Variants in LRRFIP1 observed in about 807,000 individuals in gnomAD.
LRRFIP1 encodes the protein LRR binding FLII interacting protein 1.
A neutral mutation model predicts 104.4 loss-of-function variants in LRRFIP1; 62 were observed. That is an observed-to-expected ratio of 0.59 (90% CI 0.48 to 0.73). The LOEUF is 0.73. Ranked by LOEUF, LRRFIP1 falls within the 30% of genes least tolerant of loss-of-function variation. LRRFIP1 has a pLI of 0.00. For synonymous variants in LRRFIP1, 300 were observed against 299.0 expected (o/e 1.00, Z -0.03); for missense variants, 796 against 824.5 (o/e 0.97, Z 0.42).
rs781090755 is a variant in LRRFIP1 at position 237,627,756 on chromosome 2, G to A, written c.96+16G>A. On this transcript the variant is annotated intron_variant, in intron 1 of 23. Transcript: ENST00000308482. ...CGCGCGGGAGGTGAGCGCTCCGGGA[G>A]GGCAGCCGGGGGGCGCCGGGCGGGC... 1 of 1,226,626 alleles carries A rather than the reference G, an allele frequency of 8.2e-7. No homozygotes were observed. Among genetic ancestry groups the A allele is most frequent in the African/African-American group, 1.6e-5 (1 of 62,730 alleles). The allele number at this position is 1,226,626 out of a possible 1,614,324, so 76.0% of individuals were successfully genotyped here.
rs191365075 is a variant in LRRFIP1, at chr2:237,643,420, G to A, written c.96+15680G>A. ...GTTCTGCCTTCGGTAGACGGATGCC[G>A]TTGGTGTATCTGGCTATACAGATGG... is the stretch of plus-strand genomic sequence containing the variant. On this transcript the variant is annotated intron_variant, in intron 1 of 23. Transcript: ENST00000308482. Among the ~76,000 whole-genome samples the A allele has an allele frequency of 3.3e-4, 50 of 152,378 alleles. No individual in the cohort carries two copies. In the East Asian group the frequency reaches 8.5e-3, roughly 26 times the overall value.
chr2:237,721,265 A>G (rs1575814036), intron 6 of LRRFIP1: 2 of 163,792 alleles, frequency 1.2e-5, no homozygotes, highest in South Asian at 3.2e-4. Flanking sequence ...TGGCATAGCC[A>G]CTATAGACTG....
rs2095215671 is a variant in LRRFIP1, at chr2:237,735,539, A to G, written c.555+206A>G. On this transcript the variant is annotated intron_variant, in intron 10 of 23. Transcript: ENST00000308482. The surrounding 1 kb of genome is among the most constrained non-coding windows in gnomAD (Gnocchi z 4.6). Reference sequence around the variant, plus strand: ...CTCTGGTTGTTGGTTTCATGTCCTCACTCATCAGGGAGAGTAACTTGCACT... The same window carrying G: ...CTCTGGTTGTTGGTTTCATGTCCTCGCTCATCAGGGAGAGTAACTTGCACT... 1.8e-6 allele frequency: 1 copy of G among 547,774 alleles called. No homozygotes were observed. The highest frequency in any genetic ancestry group is 1.9e-5 in the African/African-American group (1 of 52,250). The allele number at this position is 547,774 out of a possible 1,614,324, so 33.9% of individuals were successfully genotyped here.
chr2:237,692,585 C>T, intron 1 of LRRFIP1: 6 of 1,445,354 alleles, frequency 4.2e-6, no homozygotes, highest in South Asian at 1.4e-5. Flanking sequence ...GGGCTTCCAG[C>T]TCGTTCCGAG....
At chr2:237,758,047 TA>T (rs1033446372) in intron 17 of LRRFIP1, among the ~76,000 whole-genome samples, 2 of 152,104 alleles carry the variant, frequency 1.3e-5, no homozygotes, top group African/African-American at 4.8e-5. Context: ...AATTGAAGGA[TA>T]GGGGGAACAG....
In LRRFIP1 at chr2:237,766,187, G is replaced by A. The variant is rs1033645620; in HGVS notation, c.1460-3756G>A. Among the ~76,000 whole-genome samples, 2 of 152,166 alleles carry A rather than the reference G, an allele frequency of 1.3e-5. No individual in the cohort carries two copies. Among genetic ancestry groups the A allele is most frequent in the African/African-American group, 4.8e-5 (2 of 41,424 alleles). On this transcript the variant is annotated intron_variant, in intron 19 of 23. Transcript: ENST00000308482. This position sits in a 1 kb window ranked among gnomAD's most constrained non-coding sequence, Gnocchi z 4.8. ...CTGATGTGCAGCCTCAGCTGAAAAC[G>A]GTCTTCACCTGTGGCTGTGCTTACC... is the stretch of plus-strand genomic sequence containing the variant.
intron 1 of LRRFIP1, among the ~76,000 whole-genome samples, chr2:237,653,045 T>A (rs899589857): frequency 6.6e-6 from 1 of 152,206 alleles, no homozygotes; most frequent in Non-Finnish European, 1.5e-5. Flanking sequence ...CCTGCCGCCA[T>A]GTGAAAGTGC....
intron 1 of LRRFIP1, among the ~76,000 whole-genome samples, chr2:237,643,119 A>G (rs1185437922): frequency 6.6e-6 from 1 of 152,266 alleles, no homozygotes; most frequent in East Asian, 1.9e-4. Flanking sequence ...ATAAATTCTT[A>G]AACACTCAGA....
chr2:237,769,942 G>T lies in LRRFIP1; in HGVS notation c.1460-1G>T. The T allele has an allele frequency of 6.3e-7, 1 of 1,599,762 alleles. No homozygotes were observed. The highest frequency in any genetic ancestry group is 8.5e-7 in the Non-Finnish European group (1 of 1,171,978). ...AACCTGTGTCTTTGTGATTTCTTTA[G>T]ATATTAGGTTGAAAAAGCTGGTTGA... On this transcript the variant is annotated splice_acceptor_variant, in intron 19 of 23. Coordinates refer to ENST00000308482, the MANE Select transcript of LRRFIP1 (RefSeq NM_001137550.2). LOFTEE classifies it high-confidence loss of function.
At chr2:237,628,349 G>A (rs956052190) in intron 1 of LRRFIP1, among the ~76,000 whole-genome samples, 1 of 152,200 alleles carries the variant, frequency 6.6e-6, no homozygotes, top group Non-Finnish European at 1.5e-5. Context: ...CCTGGACAGA[G>A]TTTATTGTAA....
intron 1 of LRRFIP1, among the ~76,000 whole-genome samples, chr2:237,700,028 A>C (rs3769106): frequency 6.6e-6 from 1 of 151,934 alleles, no homozygotes; most frequent in Non-Finnish European, 1.5e-5. Context: ...GGTACACGGA[A>C]CCGAGGTGAG....
chr2:237,731,517 C>G (rs1293457604), intron 8 of LRRFIP1, among the ~76,000 whole-genome samples: 1 of 151,242 alleles, frequency 6.6e-6, no homozygotes, highest in East Asian at 1.9e-4. Context: ...TGAATTTTGA[C>G]TCAGTATATG....
At chr2:237,698,128 G>A (rs1378239522) in intron 1 of LRRFIP1, among the ~76,000 whole-genome samples, 1 of 152,186 alleles carries the variant, frequency 6.6e-6, no homozygotes, top group Non-Finnish European at 1.5e-5. Flanking sequence ...AGGATGCGAA[G>A]GACTTTAAAG....
intron 23 of LRRFIP1, among the ~76,000 whole-genome samples, chr2:237,776,746 A>G (rs2061129664): frequency 6.6e-6 from 1 of 151,962 alleles, no homozygotes; most frequent in Non-Finnish European, 1.5e-5. Flanking sequence ...TCCACTTCTG[A>G]TTTTTGCATC....
chr2:237,663,205 A>T (rs2088401788), intron 1 of LRRFIP1, among the ~76,000 whole-genome samples: 1 of 152,244 alleles, frequency 6.6e-6, no homozygotes, highest in Non-Finnish European at 1.5e-5. Flanking sequence ...CTAAACTATT[A>T]GAATTTTTAG....
At chr2:237,747,871 A>G (rs910262421) in intron 11 of LRRFIP1, among the ~76,000 whole-genome samples, 4 of 152,202 alleles carry the variant, frequency 2.6e-5, no homozygotes, top group Non-Finnish European at 5.9e-5. Flanking sequence ...CACTCCAGGT[A>G]GTTAATCTTT....
chr2:237,722,294 C>G (rs997815340), intron 6 of LRRFIP1, among the ~76,000 whole-genome samples: 1 of 152,162 alleles, frequency 6.6e-6, no homozygotes, highest in Non-Finnish European at 1.5e-5. Flanking sequence ...TTCAGAGCCA[C>G]ACCCTCCTGA....
intron 2 of LRRFIP1, among the ~76,000 whole-genome samples, chr2:237,709,855 A>T (rs975688156): frequency 6.9e-6 from 1 of 144,656 alleles, no homozygotes; most frequent in Non-Finnish European, 1.5e-5. Context: ...TATATGTATA[A>T]TTTTTTTTTT....
intron 1 of LRRFIP1, among the ~76,000 whole-genome samples, chr2:237,631,037 G>A (rs1330032969): frequency 6.6e-6 from 1 of 152,232 alleles, no homozygotes; most frequent in East Asian, 1.9e-4. Flanking sequence ...GCAAAGGGGG[G>A]TGGGTCTACC....
Sources: allele counts gnomAD v4.1 joint callset (sites outside exome capture counted in the v4.1 genomes callset), GRCh38; gene constraint gnomAD v4.1.1; non-coding constraint Gnocchi (gnomAD v3.1); transcripts MANE v1.5; gene names NCBI Gene and HGNC (gene_info 2026-07-23, HGNC 2026-07-21).